The following KLHL8 variants were observed in gnomAD, a reference collection of about 807,000 sequenced individuals.
KLHL8 encodes kelch like family member 8, also known as kelch-like protein 8.
In KLHL8, 38 loss-of-function variants were observed where a neutral mutation model predicts 63.5. The ratio of observed to expected loss-of-function variants is 0.60; its 90% confidence interval spans 0.46 to 0.78. The LOEUF is 0.78. Among genes scored for constraint, KLHL8 ranks in the 30% least tolerant of loss-of-function variants. The pLI is 0.00. For synonymous variants in KLHL8, 224 were observed against 254.3 expected (o/e 0.88, Z 1.13); for missense variants, 566 against 752.4 (o/e 0.75, Z 2.90).
At chr4:87,239,258 C>T (rs1026830166) in intron 1 of KLHL8, among the ~76,000 whole-genome samples, 6 of 152,076 alleles carry the variant, frequency 3.9e-5, no homozygotes, top group South Asian at 4.1e-4. Context: ...ATAGTAGGTG[C>T]GCAGTAAATA....
intron 1 of KLHL8, chr4:87,206,990 T>G (rs1297022013): frequency 3.3e-6 from 1 of 304,564 alleles, no homozygotes; most frequent in Non-Finnish European, 6.4e-6. Flanking sequence ...TTGGGTTTTT[T>G]CCCCCAATGA....
At chr4:87,171,797 C>T (rs751878294) in intron 6 of KLHL8, among the ~76,000 whole-genome samples, 1 of 152,174 alleles carries the variant, frequency 6.6e-6, no homozygotes, top group Non-Finnish European at 1.5e-5. Flanking sequence ...TTCTTTACTC[C>T]ATCATTAAAT....
At chr4:87,195,744 G>T in intron 1 of KLHL8, 54 bp from the exon 2 acceptor site, 2 of 465,866 alleles carry the variant, frequency 4.3e-6, no homozygotes, top group African/African-American at 2.0e-5. Context: ...AAAAATTATT[G>T]TTAACTATAA....
intron 2 of KLHL8, among the ~76,000 whole-genome samples, chr4:87,189,502 G>C (rs1209061364): frequency 2.0e-5 from 3 of 152,052 alleles, no homozygotes; most frequent in Admixed American, 2.0e-4. Context: ...CAATATGAAT[G>C]GAAATACAAT....
Position 87,178,196 on chromosome 4 carries a change from T to C in KLHL8, c.1096+281A>G, listed in dbSNP as rs534232756. ...GCATAAAAAAGCTGATATGTAATTA[T>C]AATTTGAGTTCTATAAACATTTTTC... On this transcript the variant is annotated intron_variant, in intron 5 of 9. Transcript: ENST00000273963. 2.6e-5 allele frequency among the ~76,000 whole-genome samples: 4 copies of C among 152,268 alleles called. No homozygotes were observed. The East Asian group carries it at 7.7e-4, about 29-fold the overall frequency.
chr4:87,168,710 G>GTA (rs954833009), intron 8 of KLHL8, among the ~76,000 whole-genome samples: 14 of 142,780 alleles, frequency 9.8e-5, no homozygotes, highest in East Asian at 2.0e-4. Flanking sequence ...ATATATATGT[G>GTA]TATATATATA....
Position 87,170,220 on chromosome 4 carries a change from C to T in KLHL8, c.1396G>A (p.Gly466Ser), listed in dbSNP as rs1287981072. 8 of 1,612,888 alleles carry T rather than the reference C, an allele frequency of 5.0e-6. No individual in the cohort carries two copies. The highest frequency in any genetic ancestry group is 6.8e-6 in the Non-Finnish European group (8 of 1,179,582). The change falls in exon 8 of 10, where the codon GGT (glycine) becomes AGT (serine). Residue 466 changes from glycine to serine, a missense_variant. Coordinates refer to ENST00000273963, the MANE Select transcript of KLHL8 (RefSeq NM_020803.5). ...VALVNHVYAV[G>S]GNDGMASLSS... Reference sequence around the variant, plus strand: ...AAAGAAGCCATTCCATCATTGCCACCTACTGCATAAACATGGTTCTAAATG... The same window carrying T: ...AAAGAAGCCATTCCATCATTGCCACTTACTGCATAAACATGGTTCTAAATG...
rs1578350971 is a variant in KLHL8, at chr4:87,161,717, C to T, written c.*1802G>A. 1 of 152,324 alleles carries T rather than the reference C, an allele frequency of 6.6e-6. No homozygotes were observed. The highest frequency in any genetic ancestry group is 1.9e-4 in the East Asian group (1 of 5,186). The allele number at this position is 152,324 out of a possible 1,614,324, so 9.4% of individuals were successfully genotyped here. On this transcript the variant is annotated 3_prime_UTR_variant, in exon 10 of 10. Transcript: ENST00000273963. The stretch of plus-strand genomic sequence containing the variant: ...AGGTTTTGACACTTATTCTCCACAT[C>T]CAGCCAGTTGTCACCAGTCTAGTAA...
chr4:87,197,059 G>C (rs1268642339), intron 1 of KLHL8, among the ~76,000 whole-genome samples: 1 of 152,118 alleles, frequency 6.6e-6, no homozygotes, highest in Non-Finnish European at 1.5e-5. Flanking sequence ...TCCAGCTTTT[G>C]ACAGAAATCA....
Position 87,187,669 on chromosome 4 carries a change from A to G in KLHL8, c.217-1870T>C, listed in dbSNP as rs188293131. Among the ~76,000 whole-genome samples the G allele has an allele frequency of 6.7e-3, 1,015 of 152,152 alleles. 5 individuals are homozygous for G. The highest frequency in any genetic ancestry group is 0.011 in the South Asian group (53 of 4,828). On this transcript the variant is annotated intron_variant, in intron 2 of 9. Coordinates refer to ENST00000273963, the MANE Select transcript of KLHL8 (RefSeq NM_020803.5). Reference sequence around the variant, plus strand: ...GAAATGGGAATCATTCTAATATTCTATATTTACTTCACGTATTTTTTATAC... The same window carrying G: ...GAAATGGGAATCATTCTAATATTCTGTATTTACTTCACGTATTTTTTATAC...
rs982913646 is a variant in KLHL8, at chr4:87,160,804, A to G, written c.*2715T>C. The G allele has an allele frequency of 3.9e-5, 6 of 152,190 alleles. No individual in the cohort carries two copies. The highest frequency in any genetic ancestry group is 2.0e-4 in the Admixed American group (3 of 15,274). The allele number at this position is 152,190 out of a possible 1,614,324, so 9.4% of individuals were successfully genotyped here. ...ATTTATTTTGTCCATTTGCAATTTCAGTATTTTAGCTCTATCTCATATCAT... is the reference window on the plus strand; with the variant it reads ...ATTTATTTTGTCCATTTGCAATTTCGGTATTTTAGCTCTATCTCATATCAT... On this transcript the variant is annotated 3_prime_UTR_variant, in exon 10 of 10. Transcript: ENST00000273963.
upstream of KLHL8, among the ~76,000 whole-genome samples, chr4:87,224,714 G>A (rs1050820099): frequency 2.6e-5 from 4 of 151,936 alleles, no homozygotes; most frequent in African/African-American, 7.3e-5. Context: ...ATCATTTCCC[G>A]CCTTTTATCC....
At position 87,174,469 on chromosome 4, in the gene KLHL8, G is replaced by A. The variant is rs536134283; in HGVS notation, c.1208+2288C>T. Among the ~76,000 whole-genome samples, 274 of 152,140 alleles carry A rather than the reference G, an allele frequency of 1.8e-3. 1 individual carries two copies. Among genetic ancestry groups the A allele is most frequent in the African/African-American group, 6.2e-3 (256 of 41,506 alleles). ...AATTTTTGTATTTTTAGTAGAGACG[G>A]TGTTTTGCCATGTTGGCCAGGCTGG... is the stretch of plus-strand genomic sequence containing the variant. On this transcript the variant is annotated intron_variant, in intron 6 of 9. Coordinates refer to ENST00000273963, the MANE Select transcript of KLHL8 (RefSeq NM_020803.5).
At position 87,176,739 on chromosome 4, in the gene KLHL8, C is replaced by T. The variant is rs1172838406; in HGVS notation, c.1208+18G>A. ...TATTTCCACCATCAGTTCAAAATAA[C>T]TTTCCATGCTGATCTACCTCTTTGT... On this transcript the variant is annotated intron_variant, in intron 6 of 9. Transcript: ENST00000273963. 14 of 1,368,072 alleles carry T rather than the reference C, an allele frequency of 1.0e-5. No homozygotes were observed. Among genetic ancestry groups the T allele is most frequent in the Non-Finnish European group, 1.4e-5 (14 of 972,338 alleles). 84.7% of individuals were successfully genotyped at this position (1,368,072 alleles called of 1,614,324 possible).
chr4:87,222,622 C>T (rs908523881), upstream of KLHL8, among the ~76,000 whole-genome samples: 3 of 151,942 alleles, frequency 2.0e-5, no homozygotes, highest in East Asian at 1.9e-4. Context: ...TTGCTCTTGT[C>T]GCCCAGGCTG....
At chr4:87,206,020 T>C (rs1312875149) in intron 1 of KLHL8, among the ~76,000 whole-genome samples, 2 of 152,230 alleles carry the variant, frequency 1.3e-5, no homozygotes, top group Non-Finnish European at 2.9e-5. Context: ...TAGATTCCCC[T>C]ACTTTTACAA....
chr4:87,181,549 T>C (rs77674673), intron 4 of KLHL8, among the ~76,000 whole-genome samples: 1,736 of 151,430 alleles, frequency 0.011, 39 homozygotes, highest in African/African-American at 0.04. Context: ...AAGTAGAAAC[T>C]AGTATTTCAT....
chr4:87,225,731 G>A (rs1732961328), intron 1 of KLHL8, among the ~76,000 whole-genome samples: 3 of 152,126 alleles, frequency 2.0e-5, no homozygotes, highest in Admixed American at 6.5e-5. Flanking sequence ...TGGGTCTGTG[G>A]GTGAAGCTAA....
Position 87,206,982 on chromosome 4 carries a change from G to T in KLHL8, c.-151-11292C>A, listed in dbSNP as rs769206661. On this transcript the variant is annotated intron_variant, in intron 1 of 9. Transcript: ENST00000273963. ...TGAATTAACACGATCTCTATGGGTT[G>T]GGTTTTTTCCCCCAATGAAAAAAAC... 1.3e-3 allele frequency: 385 copies of T among 300,764 alleles called. 1 individual carries two copies. The highest frequency in any genetic ancestry group is 2.1e-3 in the Non-Finnish European group (325 of 153,864). The allele number at this position is 300,764 out of a possible 1,614,324, so 18.6% of individuals were successfully genotyped here.
Sources: gnomAD v4.1 joint callset for allele counts (sites outside exome capture counted in the v4.1 genomes callset) on GRCh38, gnomAD v4.1.1 for gene constraint, MANE v1.5 for transcripts, NCBI Gene and HGNC (gene_info 2026-07-23, HGNC 2026-07-21) for gene names.